FAM168A: variants seen among roughly 807,000 people sequenced by gnomAD.
The protein encoded by FAM168A is protein FAM168A.
Under a neutral mutation model 28.5 loss-of-function variants are expected in FAM168A, and 3 were observed. That is an observed-to-expected ratio of 0.11 (90% CI 0.05 to 0.27). The LOEUF (loss-of-function observed/expected upper bound fraction) is 0.27. Ranked by LOEUF, FAM168A falls within the 10% of genes least tolerant of loss-of-function variation. The pLI, the probability that FAM168A is intolerant of heterozygous loss-of-function variation, is 1.00. For synonymous variants in FAM168A, 122 were observed against 124.2 expected, an observed-to-expected ratio of 0.98 and a Z score of 0.12; for missense variants, 222 against 311.5, an observed-to-expected ratio of 0.71 and a Z score of 2.16.
rs571500261 is a variant in FAM168A, at chr11:73,447,393, T to A, written c.71-16623A>T. 3.8e-3 allele frequency among the ~76,000 whole-genome samples: 545 copies of A among 144,886 alleles called. 2 individuals are homozygous for A. The highest frequency in any genetic ancestry group is 0.013 in the African/African-American group (514 of 39,582). On this transcript the variant is annotated intron_variant, in intron 2 of 7. Transcript: ENST00000356467. Reference sequence around the variant, plus strand: ...GCAAGACCTCATCTCTACCAAAAATTAAAAAAAAAAATAGCCAGGCACAGC... The same window carrying A: ...GCAAGACCTCATCTCTACCAAAAATAAAAAAAAAAAATAGCCAGGCACAGC...
chr11:73,418,184 G>A (rs977581625), intron 4 of FAM168A, among the ~76,000 whole-genome samples: 1 of 152,226 alleles, frequency 6.6e-6, no homozygotes, highest in African/African-American at 2.4e-5. Flanking sequence ...ATATGGTTTA[G>A]ATGTTTGTTT....
At chr11:73,574,547 T>A (rs547122463) in intron 1 of FAM168A, among the ~76,000 whole-genome samples, 5 of 152,160 alleles carry the variant, frequency 3.3e-5, no homozygotes, top group Admixed American at 6.5e-5. Context: ...AAATATAACA[T>A]AATGGCACTT....
intron 1 of FAM168A, among the ~76,000 whole-genome samples, chr11:73,471,035 C>T (rs1749293060): frequency 6.6e-6 from 1 of 152,174 alleles, no homozygotes; most frequent in Admixed American, 6.5e-5. Flanking sequence ...ATTCCAATCT[C>T]AATTAATGAC....
chr11:73,420,142 T>A, intron 3 of FAM168A, 143 bp from the exon 4 acceptor site: 1 of 866,664 alleles, frequency 1.2e-6, no homozygotes, highest in Non-Finnish European at 1.7e-6. Context: ...TCAGCCTTTC[T>A]GAGATGGTTG....
chr11:73,540,397 C>A (rs1453223806), intron 1 of FAM168A, among the ~76,000 whole-genome samples: 1 of 152,128 alleles, frequency 6.6e-6, no homozygotes, highest in Non-Finnish European at 1.5e-5. Context: ...TCCAAAACGT[C>A]AGATACTCTG....
chr11:73,433,076 C>CTTTTTTTTTTTTTTTTTTTTTTT (rs34994742), intron 2 of FAM168A, among the ~76,000 whole-genome samples: 4 of 80,592 alleles, frequency 5.0e-5, no homozygotes, highest in African/African-American at 2.7e-4. Context: ...CACGCCCCGC[C>CTTTTTTTTTTTTTTTTTTTTTTT]TTTTTTTTTT....
At chr11:73,528,766 C>T (rs965617945) in intron 1 of FAM168A, among the ~76,000 whole-genome samples, 6 of 152,066 alleles carry the variant, frequency 3.9e-5, no homozygotes, top group Non-Finnish European at 7.4e-5. Flanking sequence ...TGGATGATGA[C>T]CTGGGAAAGG....
At chr11:73,580,744 GT>G (rs1944232888) in intron 1 of FAM168A, among the ~76,000 whole-genome samples, 1 of 152,216 alleles carries the variant, frequency 6.6e-6, no homozygotes, top group African/African-American at 2.4e-5. Context: ...TTCCCTTCCA[GT>G]TTTGAGAGAC....
At chr11:73,535,879 T>A (rs1339933079) in intron 1 of FAM168A, among the ~76,000 whole-genome samples, 1 of 151,674 alleles carries the variant, frequency 6.6e-6, no homozygotes, top group Non-Finnish European at 1.5e-5. Flanking sequence ...AAACATTTTT[T>A]TTTTTTTGAG....
At chr11:73,420,840 GGAT>G (rs1470662839) in intron 3 of FAM168A, 2 of 152,600 alleles carry the variant, frequency 1.3e-5, no homozygotes, top group Non-Finnish European at 2.9e-5. Flanking sequence ...GACATCTGAA[GGAT>G]GATACTTCAT....
intron 1 of FAM168A, among the ~76,000 whole-genome samples, chr11:73,489,643 T>TG (rs1868102552): frequency 6.6e-6 from 1 of 152,098 alleles, no homozygotes; most frequent in Non-Finnish European, 1.5e-5. Context: ...CCCGAGTAGC[T>TG]GGGACTAAAG....
At chr11:73,407,151 AGAACT>A (rs1484130589) in intron 7 of FAM168A, among the ~76,000 whole-genome samples, 1 of 152,364 alleles carries the variant, frequency 6.6e-6, no homozygotes, top group East Asian at 1.9e-4. Context: ...TTAGTACTAG[AGAACT>A]GAAGTTTAAG....
chr11:73,555,473 G>A (rs1160999871), intron 1 of FAM168A, among the ~76,000 whole-genome samples: 2 of 152,060 alleles, frequency 1.3e-5, no homozygotes, highest in African/African-American at 4.8e-5. Flanking sequence ...GGGAGGTCGA[G>A]GCGGGTGGAT....
At chr11:73,468,924 C>T (rs1483057475) in intron 1 of FAM168A, among the ~76,000 whole-genome samples, 1 of 152,190 alleles carries the variant, frequency 6.6e-6, no homozygotes, top group East Asian at 1.9e-4. Context: ...AAAGGATAAG[C>T]TTTCTACGGT....
chr11:73,461,914 A>G (rs1590794307), intron 2 of FAM168A, among the ~76,000 whole-genome samples: 1 of 152,206 alleles, frequency 6.6e-6, no homozygotes, highest in Admixed American at 6.5e-5. Flanking sequence ...TAAAAAGAAC[A>G]TTTCATATCC....
intron 2 of FAM168A, among the ~76,000 whole-genome samples, chr11:73,449,696 T>G (rs1477756849): frequency 6.6e-6 from 1 of 152,186 alleles, no homozygotes; most frequent in East Asian, 1.9e-4. Flanking sequence ...CCACCTATCT[T>G]ATGGTACCAC....
At chr11:73,443,458 T>A (rs1158053876) in intron 2 of FAM168A, among the ~76,000 whole-genome samples, 3 of 152,184 alleles carry the variant, frequency 2.0e-5, no homozygotes, top group East Asian at 3.8e-4. Context: ...GAGGGAGATA[T>A]AAGCGTTGTG....
chr11:73,515,494 GC>G (rs1163728193), intron 1 of FAM168A, among the ~76,000 whole-genome samples: 2 of 126,780 alleles, frequency 1.6e-5, no homozygotes, highest in African/African-American at 6.5e-5. Context: ...GGTAACAAGA[GC>G]AAAACTCTGT....
chr11:73,449,209 A>G (rs565242447), intron 2 of FAM168A, among the ~76,000 whole-genome samples: 1 of 152,100 alleles, frequency 6.6e-6, no homozygotes, highest in Non-Finnish European at 1.5e-5. Context: ...GGCTCAAATG[A>G]TCCTCTTGCC....
Sources: allele counts gnomAD v4.1 joint callset (sites outside exome capture counted in the v4.1 genomes callset), GRCh38; gene constraint gnomAD v4.1.1; transcripts MANE v1.5; gene names NCBI Gene and HGNC (gene_info 2026-07-23, HGNC 2026-07-21).